Variants in SLC17A1 observed in about 807,000 individuals in gnomAD.
SLC17A1 encodes the protein solute carrier family 17 member 1, also known as sodium-dependent phosphate transport protein 1.
Under a neutral mutation model 53.5 loss-of-function variants are expected in SLC17A1, and 51 were observed. The observed-to-expected ratio is 0.95, with a 90% CI of 0.76 to 1.20. SLC17A1 has a LOEUF of 1.20. Ranked by LOEUF, SLC17A1 falls within the 50% of genes most tolerant of loss-of-function variation. The pLI is 0.00. For missense variants in SLC17A1, 538 were observed against 568.2 expected (o/e 0.95, Z 0.54); for synonymous variants, 179 against 198.8 (o/e 0.90, Z 0.84).
At chr6:25,788,974 G>GGTAC (rs1447522450) in intron 12 of SLC17A1, among the ~76,000 whole-genome samples, 3 of 151,822 alleles carry the variant, frequency 2.0e-5, no homozygotes, top group Non-Finnish European at 4.4e-5. Flanking sequence ...TAGAAAGATA[G>GGTAC]GTAGGTAGGT....
the SLC17A1 span, among the ~76,000 whole-genome samples, chr6:25,737,324 A>T: frequency 6.6e-6 from 1 of 151,996 alleles, no homozygotes; most frequent in East Asian, 1.9e-4. Flanking sequence ...AACTGGTCCT[A>T]TGGCCACTAC....
At chr6:25,733,057 A>G in the SLC17A1 span, among the ~76,000 whole-genome samples, 1 of 152,162 alleles carries the variant, frequency 6.6e-6, no homozygotes, top group Non-Finnish European at 1.5e-5. Context: ...GGGGTATCCG[A>G]AGCAGTTTCC....
the SLC17A1 span, chr6:25,726,368 C>T: frequency 9.3e-6 from 15 of 1,614,180 alleles, no homozygotes; most frequent in East Asian, 6.7e-5. Flanking sequence ...TCTAACACTG[C>T]CGCCAAATAC....
At chr6:25,733,716 G>T in the SLC17A1 span, among the ~76,000 whole-genome samples, 5 of 150,994 alleles carry the variant, frequency 3.3e-5, no homozygotes, top group Non-Finnish European at 7.4e-5. Flanking sequence ...ATAAATACTC[G>T]TATTTATAAG....
At chr6:25,751,626 T>C in the SLC17A1 span, among the ~76,000 whole-genome samples, 7 of 152,230 alleles carry the variant, frequency 4.6e-5, no homozygotes, top group African/African-American at 1.7e-4. Context: ...GGTGAGAAGC[T>C]GTAGCCAAGA....
rs1764212457 is a variant in SLC17A1, at chr6:25,812,995, G to C, written c.736-3C>G. On this transcript the variant is annotated splice_region_variant and splice_polypyrimidine_tract_variant and intron_variant, in intron 7 of 12. Transcript: ENST00000244527. Reference sequence around the variant, plus strand: ...AGAGATTGTCTACTTGAACTGACCTGGAGAGAAATTCATTAAGAATTAGCA... The same window carrying C: ...AGAGATTGTCTACTTGAACTGACCTCGAGAGAAATTCATTAAGAATTAGCA... The C allele has an allele frequency of 1.2e-6, 2 of 1,613,742 alleles. No individual in the cohort carries two copies. Among genetic ancestry groups the C allele is most frequent in the Non-Finnish European group, 1.7e-6 (2 of 1,179,810 alleles).
the SLC17A1 span, among the ~76,000 whole-genome samples, chr6:25,738,251 C>T: frequency 6.6e-6 from 1 of 152,098 alleles, no homozygotes; most frequent in Non-Finnish European, 1.5e-5. Flanking sequence ...AGAGAGAACA[C>T]ACAGATAGTC....
chr6:25,807,601 C>T (rs940347444), intron 10 of SLC17A1, among the ~76,000 whole-genome samples: 1 of 151,820 alleles, frequency 6.6e-6, no homozygotes, highest in East Asian at 1.9e-4. Flanking sequence ...GTATTTTAAC[C>T]CTCACTCCCC....
the SLC17A1 span, among the ~76,000 whole-genome samples, chr6:25,754,074 TG>T: frequency 1.1e-4 from 17 of 152,242 alleles, no homozygotes; most frequent in Admixed American, 1.0e-3. Context: ...CACTGACAGA[TG>T]GGGCCTGGGA....
At chr6:25,793,999 A>G (rs776395488) in intron 12 of SLC17A1, among the ~76,000 whole-genome samples, 1 of 152,220 alleles carries the variant, frequency 6.6e-6, no homozygotes, top group Non-Finnish European at 1.5e-5. Flanking sequence ...TTGAGTTTCC[A>G]TAAAACCCAC....
chr6:25,754,144 G>A, the SLC17A1 span, among the ~76,000 whole-genome samples: 1 of 152,104 alleles, frequency 6.6e-6, no homozygotes, highest in Non-Finnish European at 1.5e-5. Context: ...GGGCTGTCTT[G>A]TTGCTGATGG....
chr6:25,745,538 C>T, the SLC17A1 span, among the ~76,000 whole-genome samples: 3 of 152,170 alleles, frequency 2.0e-5, no homozygotes, highest in African/African-American at 4.8e-5. Context: ...GAAATTCACA[C>T]GTTTCCCAAT....
the SLC17A1 span, among the ~76,000 whole-genome samples, chr6:25,752,388 C>T: frequency 6.6e-6 from 1 of 152,080 alleles, no homozygotes; most frequent in Non-Finnish European, 1.5e-5. Flanking sequence ...GTCTAGGAGA[C>T]TTATCATAAA....
At chr6:25,733,246 G>A in the SLC17A1 span, among the ~76,000 whole-genome samples, 1 of 152,168 alleles carries the variant, frequency 6.6e-6, no homozygotes, top group Non-Finnish European at 1.5e-5. Flanking sequence ...TGTAATTCCT[G>A]AGAAAAATAA....
At chr6:25,737,387 T>C in the SLC17A1 span, among the ~76,000 whole-genome samples, 8 of 152,202 alleles carry the variant, frequency 5.3e-5, no homozygotes, top group African/African-American at 1.9e-4. Context: ...CTATGATTGC[T>C]TTCTCAACCA....
the SLC17A1 span, among the ~76,000 whole-genome samples, chr6:25,752,047 G>A: frequency 6.6e-6 from 1 of 152,208 alleles, no homozygotes; most frequent in African/African-American, 2.4e-5. Context: ...GCTGGCCACA[G>A]AAACTCATCT....
chr6:25,818,713 A>G (rs1440081051), intron 6 of SLC17A1, among the ~76,000 whole-genome samples: 1 of 152,212 alleles, frequency 6.6e-6, no homozygotes, highest in Non-Finnish European at 1.5e-5. Context: ...ATTATGTGGT[A>G]GTGCTCCACA....
intron 3 of SLC17A1, among the ~76,000 whole-genome samples, chr6:25,820,415 A>C (rs1283063033): frequency 6.6e-6 from 1 of 152,200 alleles, no homozygotes; most frequent in Admixed American, 6.5e-5. Context: ...AGAGAAGATA[A>C]AACCATGAAG....
chr6:25,743,044 A>G, the SLC17A1 span, among the ~76,000 whole-genome samples: 75 of 152,312 alleles, frequency 4.9e-4, no homozygotes, highest in Middle Eastern at 3.4e-3. Context: ...AGTAATGTCT[A>G]GAACAGACTC....
Sources: gnomAD v4.1 joint callset for allele counts (sites outside exome capture counted in the v4.1 genomes callset) on GRCh38, gnomAD v4.1.1 for gene constraint, MANE v1.5 for transcripts, NCBI Gene and HGNC (gene_info 2026-07-23, HGNC 2026-07-21) for gene names.